Variants in UBE2Q1 observed in about 807,000 individuals in gnomAD.
The protein encoded by UBE2Q1 is ubiquitin conjugating enzyme E2 Q1.
UBE2Q1 carries 6 observed loss-of-function variants against 60.1 expected under a neutral mutation model. The ratio of observed to expected loss-of-function variants is 0.10; its 90% CI spans 0.05 to 0.20. The LOEUF (loss-of-function observed/expected upper bound fraction) is 0.20. Ranked by LOEUF, UBE2Q1 falls within the 10% of genes least tolerant of loss-of-function variation. The pLI, the probability that UBE2Q1 is intolerant of heterozygous loss-of-function variation, is 1.00. For synonymous variants in UBE2Q1, 226 were observed against 208.3 expected, an observed-to-expected ratio of 1.09 and a Z score of -0.73; for missense variants, 262 against 525.8, an observed-to-expected ratio of 0.50 and a Z score of 4.91.
rs1695789419 is a variant in UBE2Q1 at position 154,551,469 on chromosome 1, T to A, written c.1098A>T (p.Ile366=). Residue 366 remains isoleucine, a synonymous_variant, in exon 11 of 13, where the codon ATA becomes ATT. Coordinates refer to ENST00000292211, the MANE Select transcript of UBE2Q1 (RefSeq NM_017582.7). The part of the protein sequence containing the change: ...TKQGWSSAYS[I]ESVIMQISAT... ...CACTGATCTGCATGATCACTGACTCTATGGAGTAGGCACTGCTCCAGCCCT... is the reference window on the plus strand; with the variant it reads ...CACTGATCTGCATGATCACTGACTCAATGGAGTAGGCACTGCTCCAGCCCT... 1 of 1,614,044 alleles carries A rather than the reference T, an allele frequency of 6.2e-7. No homozygotes were observed. Among genetic ancestry groups the A allele is most frequent in the South Asian group, 1.1e-5 (1 of 91,084 alleles).
rs751729278 is a variant in UBE2Q1 at position 154,554,770 on chromosome 1, C to T, written c.553G>A (p.Val185Met). 9.9e-6 allele frequency: 16 copies of T among 1,613,410 alleles called. No individual in the cohort carries two copies. The highest frequency in any genetic ancestry group is 8.0e-5 in the African/African-American group (6 of 74,906). ...LPAEQCTQED[V>M]SSEDEDEEMP... Reference sequence around the variant, plus strand: ...TCCTCATCTTCATCTTCTGAAGACACGTCTTCCTGTGTGCACTGCAGCAAG... The same window carrying T: ...TCCTCATCTTCATCTTCTGAAGACATGTCTTCCTGTGTGCACTGCAGCAAG... The change falls in exon 4 of 13, where the codon GTG (valine) becomes ATG (methionine). Residue 185 changes from valine to methionine, a missense_variant. Around this residue, in one of 5 missense-constraint regions of UBE2Q1, gnomAD observed 111 missense variants for 266.8 expected, o/e 0.42. Coordinates refer to ENST00000292211, the MANE Select transcript of UBE2Q1 (RefSeq NM_017582.7).
intron 3 of UBE2Q1, 26 bp from the exon 4 acceptor site, chr1:154,554,811 G>A (rs552352093): frequency 1.2e-6 from 2 of 1,611,562 alleles, no homozygotes; most frequent in South Asian, 2.2e-5. Context: ...GAAAGATGGA[G>A]ATCAGAGCCC....
chr1:154,552,942 T>C, intron 5 of UBE2Q1, 90 bp downstream of exon 5: 1 of 1,590,412 alleles, frequency 6.3e-7, no homozygotes, highest in Non-Finnish European at 8.6e-7. Context: ...AAAAAAGGAG[T>C]CTGCTCTCCA....
In UBE2Q1 at chr1:154,551,550, A is replaced by C. The variant is rs560933432; in HGVS notation, c.1075-58T>G. The C allele has an allele frequency of 1.1e-5, 17 of 1,576,302 alleles. No individual in the cohort carries two copies. In the South Asian group the frequency reaches 1.8e-4, roughly 16 times the overall value. ...CAGATGGAGCTTCCAGAGAACCCTC[A>C]TGCTTGTCCTCTGGGCAATCAGCTG... On this transcript the variant is annotated intron_variant, in intron 10 of 12. Transcript: ENST00000292211.
At chr1:154,558,158 A>G in intron 1 of UBE2Q1, 69 bp downstream of exon 1, 1 of 1,337,020 alleles carries the variant, frequency 7.5e-7, no homozygotes, top group Non-Finnish European at 1.0e-6. Flanking sequence ...GAGAGCAAAA[A>G]GCTGGATGGA....
At chr1:154,556,026 G>T in intron 1 of UBE2Q1, 62 bp from the exon 2 acceptor site, 2 of 1,465,570 alleles carry the variant, frequency 1.4e-6, no homozygotes, top group Non-Finnish European at 9.5e-7. Context: ...GCCAGATTTT[G>T]CCTGTCCTCT....
At position 154,551,991 on chromosome 1, in the gene UBE2Q1, A is replaced by G. The variant is rs772845829; in HGVS notation, c.967-12T>C. 3 of 1,614,166 alleles carry G rather than the reference A, an allele frequency of 1.9e-6. No individual in the cohort carries two copies. Among genetic ancestry groups the G allele is most frequent in the South Asian group, 2.2e-5 (2 of 91,080 alleles). On this transcript the variant is annotated splice_polypyrimidine_tract_variant and intron_variant, in intron 8 of 12. Coordinates refer to ENST00000292211, the MANE Select transcript of UBE2Q1 (RefSeq NM_017582.7). ...AAGGGAAAGTTATCCTGAGAGAGAG[A>G]GAGACGACAATCAGGGGAGGGAGGC...
intron 4 of UBE2Q1, 122 bp downstream of exon 4, chr1:154,554,613 A>G: frequency 9.7e-7 from 1 of 1,032,934 alleles, no homozygotes; most frequent in Middle Eastern, 2.1e-4. Context: ...AGGTCAGTAA[A>G]TCTGTCTTTA....
chr1:154,555,041 A>C, intron 3 of UBE2Q1: 2 of 530,992 alleles, frequency 3.8e-6, no homozygotes, highest in African/African-American at 3.8e-5. Context: ...CACCTCCTAA[A>C]TCCTAGTTTA....
At chr1:154,555,821 A>T (rs774840171) in intron 2 of UBE2Q1, 39 bp downstream of exon 2, 4 of 1,591,672 alleles carry the variant, frequency 2.5e-6, no homozygotes, top group South Asian at 1.1e-5. Flanking sequence ...CATGGGCCTC[A>T]TAAGAACAAA....
At chr1:154,554,157 G>A (rs533959240) in intron 4 of UBE2Q1, among the ~76,000 whole-genome samples, 1 of 152,150 alleles carries the variant, frequency 6.6e-6, no homozygotes, top group South Asian at 2.1e-4. Context: ...TTATAGATGC[G>A]GAAGCTGAGT....
intron 2 of UBE2Q1, among the ~76,000 whole-genome samples, 158 bp from the exon 3 acceptor site, chr1:154,555,690 C>T (rs1695872301): frequency 6.6e-6 from 1 of 152,106 alleles, no homozygotes; most frequent in African/African-American, 2.4e-5. Context: ...GGACCAATCC[C>T]AGGGCCGATG....
At chr1:154,551,091 C>G in intron 11 of UBE2Q1, 87 bp from the exon 12 acceptor site, 1 of 1,492,562 alleles carries the variant, frequency 6.7e-7, no homozygotes, top group Non-Finnish European at 9.3e-7. Flanking sequence ...CCAGAGACCC[C>G]AGAGTCCCAG....
chr1:154,556,942 A>G (rs1311617597), intron 1 of UBE2Q1, among the ~76,000 whole-genome samples: 2 of 152,250 alleles, frequency 1.3e-5, no homozygotes, highest in East Asian at 1.9e-4. Flanking sequence ...TAGCATTGCC[A>G]TGACTCTAAT....
At position 154,550,917 on chromosome 1, in the gene UBE2Q1, G is replaced by A. The variant is rs1452531825; in HGVS notation, c.1237+21C>T. On this transcript the variant is annotated intron_variant, in intron 12 of 12. Transcript: ENST00000292211. ...GGTGTGGCAAGTGTCCGAATCTCCTGAGTCCTGGCTCCAGCCTCACCGTTT... is the reference window on the plus strand; with the variant it reads ...GGTGTGGCAAGTGTCCGAATCTCCTAAGTCCTGGCTCCAGCCTCACCGTTT... The A allele has an allele frequency of 2.5e-6, 4 of 1,614,086 alleles. No homozygotes were observed. In the South Asian group the frequency reaches 4.4e-5, roughly 18 times the overall value.
chr1:154,549,122 G>C lies in UBE2Q1; in HGVS notation c.*1316C>G, dbSNP rs1461470482. On this transcript the variant is annotated 3_prime_UTR_variant, in exon 13 of 13. Transcript: ENST00000292211. ...GGCATCGTAGGTCCTAAGAGGCTGA[G>C]TCCCAGAGCAAGCTTACAGACAAAG... 2 of 152,228 alleles carry C rather than the reference G, an allele frequency of 1.3e-5. No homozygotes were observed. Among genetic ancestry groups the C allele is most frequent in the Non-Finnish European group, 2.9e-5 (2 of 68,050 alleles). 9.4% of individuals were successfully genotyped at this position (152,228 alleles called of 1,614,324 possible).
chr1:154,550,525 C>G (rs1167492195), intron 12 of UBE2Q1, 56 bp from the exon 13 acceptor site: 32 of 1,610,872 alleles, frequency 2.0e-5, no homozygotes, highest in African/African-American at 6.7e-5. Flanking sequence ...CCTCCCTGTC[C>G]TGCCCCAATC....
chr1:154,558,153 CA>C (rs1016651266), intron 1 of UBE2Q1, 73 bp downstream of exon 1: 6 of 1,316,778 alleles, frequency 4.6e-6, no homozygotes, highest in Middle Eastern at 2.7e-4. Flanking sequence ...CCTTCGAGAG[CA>C]AAAAGCTGGA....
In UBE2Q1 at chr1:154,550,324, C is replaced by T. The variant is rs770663039; in HGVS notation, c.*114G>A. The stretch of plus-strand genomic sequence containing the variant: ...TGTCCTGCAATAGGCAGAGCTATCA[C>T]GTCCAGGAAAAATGAGGGAGGGAAC... On this transcript the variant is annotated 3_prime_UTR_variant, in exon 13 of 13. Transcript: ENST00000292211. 1.0e-4 allele frequency: 144 copies of T among 1,378,724 alleles called. No homozygotes were observed. Among genetic ancestry groups the T allele is most frequent in the Non-Finnish European group, 1.4e-4 (133 of 978,408 alleles). 85.4% of individuals were successfully genotyped at this position (1,378,724 alleles called of 1,614,324 possible).
Sources: allele counts gnomAD v4.1 joint callset (sites outside exome capture counted in the v4.1 genomes callset), GRCh38; gene constraint gnomAD v4.1.1; regional missense constraint gnomAD v4.1.1; transcripts MANE v1.5; gene names NCBI Gene and HGNC (gene_info 2026-07-23, HGNC 2026-07-21).